The following EIPR1 variants were observed in gnomAD, a reference collection of about 807,000 sequenced individuals.
EIPR1 encodes EARP and GARP complex-interacting protein 1.
EIPR1 carries 25 observed loss-of-function variants against 48.1 expected under a neutral mutation model. The ratio of observed to expected loss-of-function variants is 0.52; its 90% CI spans 0.38 to 0.73. The LOEUF is 0.73. Ranked by LOEUF, EIPR1 falls within the 30% of genes least tolerant of loss-of-function variation. The probability of loss-of-function intolerance (pLI) is 0.00; values close to 1 mark genes in which losing one functional copy is unlikely to be tolerated. For missense variants in EIPR1, 415 were observed against 506.2 expected, an observed-to-expected ratio of 0.82 and a Z score of 1.73; for synonymous variants, 204 against 201.9, an observed-to-expected ratio of 1.01 and a Z score of -0.09.
intron 4 of EIPR1, among the ~76,000 whole-genome samples, chr2:3,246,644 T>C (rs2103197575): frequency 6.6e-6 from 1 of 152,036 alleles, no homozygotes. Flanking sequence ...CTTGGACATG[T>C]CAGAGAAACA....
chr2:3,289,923 C>T (rs539415609), intron 3 of EIPR1, among the ~76,000 whole-genome samples: 4 of 152,366 alleles, frequency 2.6e-5, no homozygotes, highest in African/African-American at 9.6e-5. Flanking sequence ...GTCACGGCCT[C>T]CAGGGTGAGT....
At chr2:3,374,560 G>C (rs950605365) in intron 1 of EIPR1, among the ~76,000 whole-genome samples, 4 of 152,180 alleles carry the variant, frequency 2.6e-5, no homozygotes, top group Non-Finnish European at 5.9e-5. Flanking sequence ...CCATCAAAAA[G>C]TGGGCAAAGG....
intron 3 of EIPR1, among the ~76,000 whole-genome samples, chr2:3,298,655 C>G (rs1362866460): frequency 1.3e-5 from 2 of 151,858 alleles, no homozygotes; most frequent in Non-Finnish European, 2.9e-5. Context: ...TTCTTGATCT[C>G]CTATACCAAG....
At chr2:3,295,637 C>G (rs1430996973) in intron 3 of EIPR1, among the ~76,000 whole-genome samples, 1 of 129,542 alleles carries the variant, frequency 7.7e-6, no homozygotes, top group Non-Finnish European at 1.6e-5. Flanking sequence ...TCTACATACA[C>G]ACACCCTCCA....
intron 2 of EIPR1, among the ~76,000 whole-genome samples, chr2:3,350,141 A>C (rs1670528477): frequency 1.3e-5 from 2 of 151,328 alleles, no homozygotes; most frequent in Admixed American, 6.6e-5. Context: ...AAAAAAAAAA[A>C]AAACTACCTG....
intron 4 of EIPR1, among the ~76,000 whole-genome samples, chr2:3,223,591 C>T (rs1363315316): frequency 6.6e-6 from 1 of 152,152 alleles, no homozygotes; most frequent in Non-Finnish European, 1.5e-5. Context: ...ACTGGTTCAC[C>T]CTAGAACCCC....
At chr2:3,225,878 G>A (rs981787457) in intron 4 of EIPR1, among the ~76,000 whole-genome samples, 4 of 152,182 alleles carry the variant, frequency 2.6e-5, no homozygotes, top group Admixed American at 6.5e-5. Flanking sequence ...CTCCACAGGT[G>A]AGATCGCGCA....
At chr2:3,236,651 C>T (rs1328550623) in intron 4 of EIPR1, among the ~76,000 whole-genome samples, 1 of 152,188 alleles carries the variant, frequency 6.6e-6, no homozygotes, top group African/African-American at 2.4e-5. Context: ...GCACCCAAGG[C>T]GTCTGCTCGG....
intron 5 of EIPR1, among the ~76,000 whole-genome samples, chr2:3,199,199 CA>C (rs1664925952): frequency 6.6e-6 from 1 of 152,094 alleles, no homozygotes; most frequent in African/African-American, 2.4e-5. Flanking sequence ...ACCCGGCTCC[CA>C]GGCAGCCAGA....
intron 3 of EIPR1, among the ~76,000 whole-genome samples, chr2:3,311,358 TTTC>T (rs1669122675): frequency 6.6e-6 from 1 of 152,154 alleles, no homozygotes; most frequent in Non-Finnish European, 1.5e-5. Context: ...CCAGAAATGA[TTTC>T]TTTTCACATT....
At chr2:3,316,790 C>G (rs1669315226) in intron 3 of EIPR1, among the ~76,000 whole-genome samples, 1 of 152,262 alleles carries the variant, frequency 6.6e-6, no homozygotes, top group Non-Finnish European at 1.5e-5. Flanking sequence ...CTTGGCCTCA[C>G]AGCCCCCTGA....
chr2:3,190,608 C>T (rs1028911885), intron 8 of EIPR1, among the ~76,000 whole-genome samples: 1 of 152,144 alleles, frequency 6.6e-6, no homozygotes, highest in Non-Finnish European at 1.5e-5. Flanking sequence ...CAGAAGACAA[C>T]GCCAGCAGTC....
rs150150551 is a variant in EIPR1, at chr2:3,297,019, G to A, written c.260-39564C>T. ...CATCTACTTCTCCCGGCACCCATCCGGCAGGCAGGTGGTGGCAGTTTCTCT... is the reference window on the plus strand; with the variant it reads ...CATCTACTTCTCCCGGCACCCATCCAGCAGGCAGGTGGTGGCAGTTTCTCT... On this transcript the variant is annotated intron_variant, in intron 3 of 8. Coordinates refer to ENST00000382125, the MANE Select transcript of EIPR1 (RefSeq NM_003310.5). Among the ~76,000 whole-genome samples, 30 of 145,614 alleles carry A rather than the reference G, an allele frequency of 2.1e-4. No homozygotes were observed. In the East Asian group the frequency reaches 4.4e-3, roughly 21 times the overall value.
At chr2:3,195,397 T>G (rs1419543572) in intron 6 of EIPR1, among the ~76,000 whole-genome samples, 5 of 152,120 alleles carry the variant, frequency 3.3e-5, no homozygotes, top group Non-Finnish European at 7.3e-5. Flanking sequence ...TTCCTTTATC[T>G]GAAGACCATC....
chr2:3,355,514 T>C (rs1670700587), intron 1 of EIPR1, among the ~76,000 whole-genome samples: 1 of 152,166 alleles, frequency 6.6e-6, no homozygotes, highest in Non-Finnish European at 1.5e-5. Context: ...TAATCAAAAA[T>C]AGCCAGTCAT....
rs1668227273 is a variant in EIPR1, at chr2:3,287,399, GA to G, written c.260-29945del. Among the ~76,000 whole-genome samples, 4 of 149,220 alleles carry G rather than the reference GA, an allele frequency of 2.7e-5. No individual in the cohort carries two copies. The Admixed American group carries it at 2.7e-4, about 10-fold the overall frequency. Reference sequence around the variant, plus strand: ...CAGAAAGCTTGTTCACCACAATCCAGAAAGCGTGTTCACCACGCTCCGGAAA... The same window carrying G: ...CAGAAAGCTTGTTCACCACAATCCAGAAGCGTGTTCACCACGCTCCGGAAA... On this transcript the variant is annotated intron_variant, in intron 3 of 8. Transcript: ENST00000382125.
At chr2:3,214,459 C>A in intron 4 of EIPR1, 1 of 457,368 alleles carries the variant, frequency 2.2e-6, no homozygotes, top group Non-Finnish European at 3.9e-6. Context: ...TCCCCAGATT[C>A]ATGTGTGGAA....
chr2:3,333,889 C>T (rs1057201191), intron 3 of EIPR1, among the ~76,000 whole-genome samples: 4 of 152,160 alleles, frequency 2.6e-5, no homozygotes, highest in South Asian at 2.1e-4. Context: ...GCCCTGTGAT[C>T]GGCCTGCCCT....
At chr2:3,288,153 G>A (rs748578257) in intron 3 of EIPR1, among the ~76,000 whole-genome samples, 6 of 152,214 alleles carry the variant, frequency 3.9e-5, no homozygotes, top group South Asian at 4.1e-4. Flanking sequence ...ACAGTCTCCC[G>A]CCGCCACCTG....
Sources: gnomAD v4.1 joint callset for allele counts (sites outside exome capture counted in the v4.1 genomes callset) on GRCh38, gnomAD v4.1.1 for gene constraint, MANE v1.5 for transcripts, NCBI Gene and HGNC (gene_info 2026-07-23, HGNC 2026-07-21) for gene names.